Variants in MGAT5 observed in about 807,000 individuals in gnomAD.
The protein encoded by MGAT5 is alpha-1,6-mannosylglycoprotein 6-beta-N-acetylglucosaminyltransferase.
MGAT5 carries 30 observed loss-of-function variants against 94.3 expected under a neutral mutation model. The observed-to-expected ratio is 0.32, with a 90% CI of 0.24 to 0.43. MGAT5 has a LOEUF of 0.43. Among genes scored for constraint, MGAT5 ranks in the 20% least tolerant of loss-of-function variants. The probability of loss-of-function intolerance (pLI) is 1.00; values close to 1 mark genes in which losing one functional copy is unlikely to be tolerated. For missense variants in MGAT5, 691 were observed against 905.5 expected (o/e 0.76, Z 3.04); for synonymous variants, 310 against 322.9 (o/e 0.96, Z 0.43).
intron 1 of MGAT5, among the ~76,000 whole-genome samples, chr2:134,226,646 G>A (rs1450208740): frequency 6.6e-6 from 1 of 152,214 alleles, no homozygotes; most frequent in Non-Finnish European, 1.5e-5. Flanking sequence ...AAACGAGCTA[G>A]TGTAGACAGA....
In MGAT5 at chr2:134,177,007, T is replaced by A. The variant is rs1034828264; in HGVS notation, c.-143+56716T>A. ...GTTTCTGAGCCTTTGCCCAAGTGGG[T>A]TCCCCTTAGGGCTCCTTCTGGAAGG... On this transcript the variant is annotated intron_variant, in intron 1 of 16. Coordinates refer to the MGAT5 transcript ENST00000409645. 2.0e-5 allele frequency among the ~76,000 whole-genome samples: 3 copies of A among 152,128 alleles called. No individual in the cohort carries two copies. In the South Asian group the frequency reaches 6.2e-4, roughly 32 times the overall value.
At chr2:134,391,865 AGGGAGGGT>A (rs995814109) in intron 10 of MGAT5, among the ~76,000 whole-genome samples, 3 of 152,212 alleles carry the variant, frequency 2.0e-5, no homozygotes, top group African/African-American at 2.4e-5. Flanking sequence ...CCTCTCCAGG[AGGGAGGGT>A]GGTTATTACC....
chr2:134,342,738 T>A (rs1298204195), intron 7 of MGAT5, among the ~76,000 whole-genome samples: 5 of 86,812 alleles, frequency 5.8e-5, no homozygotes, highest in Non-Finnish European at 7.5e-5. Flanking sequence ...AAAAAAAAAA[T>A]TGGATACACA....
intron 1 of MGAT5, among the ~76,000 whole-genome samples, chr2:134,146,420 T>C (rs1686922981): frequency 6.6e-6 from 1 of 151,568 alleles, no homozygotes; most frequent in African/African-American, 2.4e-5. Context: ...ATTAGCCAGG[T>C]GTGGTGTCAT....
In MGAT5 at chr2:134,164,839, C is replaced by CAAA. The variant is rs78180455; in HGVS notation, c.-143+44558_-143+44560dup. ...CTGGGCAACATAGTGACACCCGTCT[C>CAAA]AAAAAAAAAAAACCAAACCAAACAA... On this transcript the variant is annotated intron_variant, in intron 1 of 16. Transcript: ENST00000409645. Among the ~76,000 whole-genome samples the CAAA allele has an allele frequency of 2.6e-3, 347 of 131,838 alleles. 1 individual carries two copies. The highest frequency in any genetic ancestry group is 3.9e-3 in the Middle Eastern group (1 of 256). 86.5% of individuals were successfully genotyped at this position (131,838 alleles called of 152,430 possible).
chr2:134,198,722 C>T, intron 1 of MGAT5, among the ~76,000 whole-genome samples: 1 of 152,158 alleles, frequency 6.6e-6, no homozygotes, highest in East Asian at 1.9e-4. Flanking sequence ...CAGGAGTGGA[C>T]TTTTAAGCAA....
At position 134,165,889 on chromosome 2, in the gene MGAT5, A is replaced by T. The variant is rs373957367; in HGVS notation, c.-143+45598A>T. 3.3e-5 allele frequency among the ~76,000 whole-genome samples: 5 copies of T among 152,294 alleles called. No homozygotes were observed. The South Asian group carries it at 1.0e-3, about 32-fold the overall frequency. On this transcript the variant is annotated intron_variant, in intron 1 of 16. Coordinates refer to the MGAT5 transcript ENST00000409645. ...CTGGCAGATGTGTGTTAAGATGGGGATCAACTATGCAAGATAGTTAGCTTT... is the reference window on the plus strand; with the variant it reads ...CTGGCAGATGTGTGTTAAGATGGGGTTCAACTATGCAAGATAGTTAGCTTT...
At chr2:134,385,289 A>G (rs555850720) in intron 10 of MGAT5, among the ~76,000 whole-genome samples, 3 of 152,174 alleles carry the variant, frequency 2.0e-5, no homozygotes, top group Non-Finnish European at 2.9e-5. Context: ...CTCTGAGTCT[A>G]TCTCTCCAAG....
intron 1 of MGAT5, among the ~76,000 whole-genome samples, chr2:134,192,704 A>G (rs1466620702): frequency 6.6e-6 from 1 of 152,006 alleles, no homozygotes; most frequent in Admixed American, 6.5e-5. Flanking sequence ...TTTTTTAAAT[A>G]GAAAAATTGA....
intron 13 of MGAT5, among the ~76,000 whole-genome samples, chr2:134,424,382 G>T (rs1242626075): frequency 6.6e-6 from 1 of 152,158 alleles, no homozygotes; most frequent in African/African-American, 2.4e-5. Flanking sequence ...CTTCAAGGTG[G>T]TCTGGTTATG....
At chr2:134,397,196 A>G (rs1396801215) in intron 10 of MGAT5, among the ~76,000 whole-genome samples, 2 of 152,178 alleles carry the variant, frequency 1.3e-5, no homozygotes, top group East Asian at 3.9e-4. Context: ...ACCTAGTGAC[A>G]ATAAGGAGGA....
chr2:134,395,064 G>T (rs531331283), intron 10 of MGAT5, among the ~76,000 whole-genome samples: 3 of 152,332 alleles, frequency 2.0e-5, no homozygotes, highest in Non-Finnish European at 2.9e-5. Context: ...GGCTGTGGTG[G>T]TGTGTTTTCA....
chr2:134,394,573 A>G (rs1435809809), intron 10 of MGAT5, among the ~76,000 whole-genome samples: 1 of 152,236 alleles, frequency 6.6e-6, no homozygotes, highest in African/African-American at 2.4e-5. Context: ...GAAATACACT[A>G]AAATGATTTA....
At chr2:134,183,443 G>C (rs890046488) in intron 1 of MGAT5, among the ~76,000 whole-genome samples, 2 of 152,162 alleles carry the variant, frequency 1.3e-5, no homozygotes, top group African/African-American at 4.8e-5. Flanking sequence ...CAGTGAGCTG[G>C]GTACACTGTA....
rs775381098 is a variant in MGAT5 at position 134,318,690 on chromosome 2, A to T, written c.524A>T (p.Asp175Val). ...TGGCGTTCAGATCCCTGCTACGCAG[A>T]CTATGGAGTGGATGGATCCACCTGC... Reference protein sequence around the residue: ...DMWRSDPCYADYGVDGSTCSF... With the variant: ...DMWRSDPCYAVYGVDGSTCSF... The change falls in exon 4 of 16, where the codon GAC becomes GTC. Residue 175 changes from aspartate to valine, a missense_variant. By Grantham distance (152) the Asp-to-Val change is radical. Coordinates refer to ENST00000281923, the MANE Select transcript of MGAT5 (RefSeq NM_002410.5). 2.5e-6 allele frequency: 4 copies of T among 1,613,624 alleles called. No individual in the cohort carries two copies. Among genetic ancestry groups the T allele is most frequent in the Non-Finnish European group, 1.7e-6 (2 of 1,179,598 alleles).
chr2:134,361,124 C>T lies in MGAT5; in HGVS notation c.1247-1151C>T, dbSNP rs144242894. Among the ~76,000 whole-genome samples, 622 of 152,350 alleles carry T rather than the reference C, an allele frequency of 4.1e-3. 3 individuals carry two copies. Among genetic ancestry groups the T allele is most frequent in the African/African-American group, 0.014 (570 of 41,578 alleles). On this transcript the variant is annotated intron_variant, in intron 9 of 15. Coordinates refer to ENST00000281923, the MANE Select transcript of MGAT5 (RefSeq NM_002410.5). ...ATCTGTCTGTCTGAAAGGATTTCTACGCTGCTACAAGCATGGGAAATGGCT... is the reference window on the plus strand; with the variant it reads ...ATCTGTCTGTCTGAAAGGATTTCTATGCTGCTACAAGCATGGGAAATGGCT...
At chr2:134,389,280 C>G (rs1040415860) in intron 10 of MGAT5, among the ~76,000 whole-genome samples, 1 of 152,124 alleles carries the variant, frequency 6.6e-6, no homozygotes, top group Non-Finnish European at 1.5e-5. Context: ...GTTTTCCAGT[C>G]CATTGCATTC....
intron 1 of MGAT5, among the ~76,000 whole-genome samples, chr2:134,120,719 T>TGGGCCGGGCC (rs1214367002): frequency 1.3e-5 from 2 of 150,830 alleles, no homozygotes; most frequent in East Asian, 4.0e-4. Context: ...GCCGCAGGCG[T>TGGGCCGGGCC]GGGCCGGGCC....
intron 1 of MGAT5, among the ~76,000 whole-genome samples, chr2:134,131,228 C>T (rs1205309063): frequency 6.6e-6 from 1 of 152,178 alleles, no homozygotes; most frequent in African/African-American, 2.4e-5. Flanking sequence ...TCCGGTCACG[C>T]TGCCTTTAAG....
Sources: allele counts gnomAD v4.1 joint callset (sites outside exome capture counted in the v4.1 genomes callset), GRCh38; gene constraint gnomAD v4.1.1; transcripts MANE v1.5; gene names NCBI Gene and HGNC (gene_info 2026-07-23, HGNC 2026-07-21).